The following LRP1B variants were observed in gnomAD, a reference collection of about 807,000 sequenced individuals.
LRP1B encodes the protein LDL receptor related protein 1B.
LRP1B carries 217 observed loss-of-function variants against 556.6 expected under a neutral mutation model. That is an observed-to-expected ratio of 0.39 (90% CI 0.35 to 0.44). The LOEUF (loss-of-function observed/expected upper bound fraction) is 0.44. Among genes scored for constraint, LRP1B ranks in the 20% least tolerant of loss-of-function variants. The pLI is 1.00. For synonymous variants in LRP1B, 2,047 were observed against 1,865.8 expected, an observed-to-expected ratio of 1.10 and a Z score of -2.50; for missense variants, 5,053 against 5,620.8, an observed-to-expected ratio of 0.90 and a Z score of 3.23.
At chr2:140,939,325 A>C (rs1452215498) in intron 20 of LRP1B, among the ~76,000 whole-genome samples, 3 of 151,864 alleles carry the variant, frequency 2.0e-5, no homozygotes, top group African/African-American at 7.2e-5. Context: ...GAGTAAATGA[A>C]GAAAAAGCCA....
chr2:140,534,884 G>C (rs1388602374), intron 46 of LRP1B, among the ~76,000 whole-genome samples: 2 of 152,152 alleles, frequency 1.3e-5, no homozygotes, highest in Non-Finnish European at 2.9e-5. Flanking sequence ...ACACAGAGAA[G>C]TGAGTTATGT....
chr2:141,405,176 A>C (rs1299573674), intron 3 of LRP1B, among the ~76,000 whole-genome samples: 1 of 152,210 alleles, frequency 6.6e-6, no homozygotes, highest in Non-Finnish European at 1.5e-5. Flanking sequence ...ATTTATTATA[A>C]AGCCATATTT....
intron 14 of LRP1B, among the ~76,000 whole-genome samples, chr2:141,012,092 A>T (rs1426159337): frequency 6.6e-6 from 1 of 151,986 alleles, no homozygotes; most frequent in African/African-American, 2.4e-5. Context: ...ATCTTTCATG[A>T]TGAGTCCAAA....
chr2:140,956,547 T>C (rs1695878606), intron 18 of LRP1B, among the ~76,000 whole-genome samples: 1 of 151,336 alleles, frequency 6.6e-6, no homozygotes, highest in Non-Finnish European at 1.5e-5. Context: ...ACTGAGAAAA[T>C]ACATTACATT....
intron 2 of LRP1B, among the ~76,000 whole-genome samples, chr2:141,596,819 G>T (rs1263303271): frequency 6.6e-6 from 1 of 151,944 alleles, no homozygotes; most frequent in Non-Finnish European, 1.5e-5. Flanking sequence ...TAACAGGAAT[G>T]TGCCATATGC....
intron 1 of LRP1B, among the ~76,000 whole-genome samples, chr2:141,903,055 A>G (rs539395405): frequency 5.9e-5 from 9 of 151,922 alleles, no homozygotes; most frequent in Admixed American, 3.3e-4. Context: ...TGCCCTTAGT[A>G]TGCCAGTGGT....
intron 43 of LRP1B, among the ~76,000 whole-genome samples, chr2:140,554,030 G>C (rs1410620228): frequency 2.0e-5 from 3 of 152,084 alleles, no homozygotes; most frequent in Non-Finnish European, 4.4e-5. Flanking sequence ...AAAAGATATG[G>C]AAGATACACC....
intron 3 of LRP1B, among the ~76,000 whole-genome samples, chr2:141,317,011 T>C (rs1024869521): frequency 6.6e-6 from 1 of 152,200 alleles, no homozygotes; most frequent in Non-Finnish European, 1.5e-5. Context: ...TATAAAGAGA[T>C]GCCAAACTGG....
chr2:141,219,584 C>A (rs906920050), intron 6 of LRP1B, among the ~76,000 whole-genome samples: 1 of 152,162 alleles, frequency 6.6e-6, no homozygotes, highest in Non-Finnish European at 1.5e-5. Flanking sequence ...AAGGGGCAGC[C>A]AAGCTGTTTT....
intron 11 of LRP1B, among the ~76,000 whole-genome samples, chr2:141,043,092 A>AC (rs1423673070): frequency 2.7e-5 from 4 of 150,912 alleles, no homozygotes; most frequent in African/African-American, 9.7e-5. Flanking sequence ...GTTCCTAGCC[A>AC]CTTGAGGGGC....
At chr2:141,515,720 G>A (rs1363402871) in intron 2 of LRP1B, among the ~76,000 whole-genome samples, 1 of 152,062 alleles carries the variant, frequency 6.6e-6, no homozygotes, top group African/African-American at 2.4e-5. Context: ...GAAGGCTAGT[G>A]TACAAGGGGA....
intron 7 of LRP1B, among the ~76,000 whole-genome samples, chr2:141,129,961 C>T (rs531716970): frequency 5.0e-4 from 76 of 151,790 alleles, no homozygotes; most frequent in Admixed American, 9.9e-4. Flanking sequence ...ATGGACTAGA[C>T]GTAATAATTT....
Position 140,822,573 on chromosome 2 carries a change from T to C in LRP1B, c.5210-8767A>G, listed in dbSNP as rs149234609. ...AAAGCAATTAAAGATTCAGAAATAATTAATTGTGAGGCACAATTGGCTAAG... is the reference window on the plus strand; with the variant it reads ...AAAGCAATTAAAGATTCAGAAATAACTAATTGTGAGGCACAATTGGCTAAG... On this transcript the variant is annotated intron_variant, in intron 31 of 90. Transcript: ENST00000389484. Among the ~76,000 whole-genome samples, 727 of 152,348 alleles carry C rather than the reference T, an allele frequency of 4.8e-3. 11 individuals are homozygous for C. The highest frequency in any genetic ancestry group is 0.016 in the African/African-American group (663 of 41,580).
chr2:140,517,150 T>C, intron 49 of LRP1B, 139 bp from the exon 50 acceptor site: 1 of 639,948 alleles, frequency 1.6e-6, no homozygotes, highest in Non-Finnish European at 2.7e-6. Context: ...TCCTAAAGAA[T>C]GTCAAGGTTA....
rs1682585292 is a variant in LRP1B, at chr2:140,274,432, T to C, written c.13134A>G (p.Ile4378Met). The C allele has an allele frequency of 6.2e-7, 1 of 1,612,078 alleles. No homozygotes were observed. Among genetic ancestry groups the C allele is most frequent in the Admixed American group, 1.7e-5 (1 of 59,814 alleles). ...GCTGGGTGTCCACTTACTTGCAAAA[T>C]ATATCTTCACTGTCTTTATTTATAA... ...HCIINKDSED[I>M]FCNCTNGKIA... Residue 4378 changes from isoleucine (I) to methionine (M), a missense_variant, in exon 85 of 91, where the codon ATA becomes ATG. Ile to Met is a conservative substitution (Grantham distance 10). Coordinates refer to ENST00000389484, the MANE Select transcript of LRP1B (RefSeq NM_018557.3).
chr2:140,886,355 T>C lies in LRP1B; in HGVS notation c.3767-20A>G, dbSNP rs770829645. ...AAGGATCTGAAATTAAATTTATTTT[T>C]AATAGGCTTATGAAAATGTAAACTC... On this transcript the variant is annotated intron_variant, in intron 23 of 90. Coordinates refer to ENST00000389484, the MANE Select transcript of LRP1B (RefSeq NM_018557.3). The C allele has an allele frequency of 1.5e-6, 2 of 1,376,296 alleles. No individual in the cohort carries two copies. Among genetic ancestry groups the C allele is most frequent in the South Asian group, 1.4e-5 (1 of 72,768 alleles). The allele number at this position is 1,376,296 out of a possible 1,614,324, so 85.3% of individuals were successfully genotyped here.
intron 52 of LRP1B, among the ~76,000 whole-genome samples, chr2:140,507,172 A>C (rs144006917): frequency 1.4e-3 from 213 of 152,306 alleles, no homozygotes; most frequent in African/African-American, 5.1e-3. Context: ...GTGACCCTGA[A>C]TTCAAGCCAT....
intron 43 of LRP1B, among the ~76,000 whole-genome samples, chr2:140,586,943 T>C (rs1323224070): frequency 6.6e-6 from 1 of 151,316 alleles, no homozygotes; most frequent in East Asian, 1.9e-4. Context: ...TAAAAGTAGC[T>C]ATAATAAAAT....
chr2:140,960,708 C>T (rs896083457), intron 18 of LRP1B, among the ~76,000 whole-genome samples: 2 of 151,866 alleles, frequency 1.3e-5, no homozygotes, highest in South Asian at 4.2e-4. Flanking sequence ...GTACTTTGTC[C>T]TTATTTGTGA....
Sources: gnomAD v4.1 joint callset for allele counts (sites outside exome capture counted in the v4.1 genomes callset) on GRCh38, gnomAD v4.1.1 for gene constraint, MANE v1.5 for transcripts, NCBI Gene and HGNC (gene_info 2026-07-23, HGNC 2026-07-21) for gene names.